GRIN2A: variants seen among roughly 807,000 people sequenced by gnomAD.
The protein encoded by GRIN2A is glutamate receptor ionotropic, NMDA 2A.
In GRIN2A, 22 loss-of-function variants were observed where a neutral mutation model predicts 113.4. The observed-to-expected ratio is 0.19, with a 90% CI of 0.14 to 0.28. The LOEUF (loss-of-function observed/expected upper bound fraction) is 0.28, where lower values mean the gene tolerates loss of function less well. Ranked by LOEUF, GRIN2A falls within the 10% of genes least tolerant of loss-of-function variation. The pLI is 1.00. For synonymous variants in GRIN2A, 827 were observed against 738.4 expected (o/e 1.12, Z -1.94); for missense variants, 1,502 against 1,887.0 (o/e 0.80, Z 3.78).
At chr16:10,165,513 T>TATATATATATGTATATATATATAC (rs1555489600) in intron 2 of GRIN2A, among the ~76,000 whole-genome samples, 1 of 79,268 alleles carries the variant, frequency 1.3e-5, no homozygotes, top group African/African-American at 4.3e-5. Context: ...TATATATACA[T>TATATATATATGTATATATATATAC]ATATATATAT....
At chr16:10,166,605 T>C (rs2049930054) in intron 2 of GRIN2A, among the ~76,000 whole-genome samples, 2 of 152,214 alleles carry the variant, frequency 1.3e-5, no homozygotes, top group Non-Finnish European at 2.9e-5. Flanking sequence ...CATACTGCAC[T>C]TGCATTATGA....
At chr16:10,110,095 C>T (rs1219640090) in intron 2 of GRIN2A, among the ~76,000 whole-genome samples, 5 of 149,308 alleles carry the variant, frequency 3.3e-5, no homozygotes, top group African/African-American at 1.2e-4. Context: ...TGTTCCCCTT[C>T]CTGTGTCCAT....
At chr16:10,062,789 T>C in intron 2 of GRIN2A, among the ~76,000 whole-genome samples, 1 of 151,514 alleles carries the variant, frequency 6.6e-6, no homozygotes, top group Non-Finnish European at 1.5e-5. Context: ...TGCTTGAACC[T>C]GGGAGGCAGA....
chr16:10,121,035 C>T (rs561795032), intron 2 of GRIN2A, among the ~76,000 whole-genome samples: 1 of 152,256 alleles, frequency 6.6e-6, no homozygotes, highest in Non-Finnish European at 1.5e-5. Flanking sequence ...CTTTCAAACC[C>T]AGCCACAGAC....
intron 2 of GRIN2A, among the ~76,000 whole-genome samples, chr16:10,143,530 T>A (rs762479348): frequency 5.3e-5 from 8 of 152,224 alleles, no homozygotes; most frequent in Non-Finnish European, 1.0e-4. Context: ...TTAAGAGGAA[T>A]AATAAAATTG....
At chr16:10,078,019 C>G (rs2047909933) in intron 2 of GRIN2A, among the ~76,000 whole-genome samples, 1 of 152,160 alleles carries the variant, frequency 6.6e-6, no homozygotes, top group South Asian at 2.1e-4. Flanking sequence ...TCCTCATCTG[C>G]AAAATGCGGT....
At chr16:9,808,678 G>C (rs993063126) in intron 10 of GRIN2A, among the ~76,000 whole-genome samples, 7 of 152,050 alleles carry the variant, frequency 4.6e-5, no homozygotes, top group African/African-American at 1.7e-4. Context: ...ATTAAAGTAG[G>C]CGTTTCTTAC....
At chr16:10,050,599 A>G (rs1350767085) in intron 2 of GRIN2A, among the ~76,000 whole-genome samples, 1 of 151,944 alleles carries the variant, frequency 6.6e-6, no homozygotes, top group Non-Finnish European at 1.5e-5. Context: ...CAGGAAAACA[A>G]GTTCAGGGCT....
chr16:9,849,112 G>A (rs1417616119), intron 5 of GRIN2A, among the ~76,000 whole-genome samples: 1 of 92,672 alleles, frequency 1.1e-5, no homozygotes, highest in Non-Finnish European at 2.1e-5. Flanking sequence ...AAAATATACT[G>A]TTTTATATAT....
chr16:10,119,951 T>C (rs772404871), intron 2 of GRIN2A, among the ~76,000 whole-genome samples: 93 of 152,226 alleles, frequency 6.1e-4, no homozygotes, highest in Non-Finnish European at 9.3e-4. Flanking sequence ...CCATGCTGTA[T>C]ATGTACCAGA....
At chr16:9,810,696 G>A (rs894319216) in intron 10 of GRIN2A, among the ~76,000 whole-genome samples, 1 of 152,146 alleles carries the variant, frequency 6.6e-6, no homozygotes, top group Admixed American at 6.6e-5. Context: ...AGGGAGCAAG[G>A]CCCTGCTAAC....
At chr16:10,138,326 A>G (rs966006892) in intron 2 of GRIN2A, among the ~76,000 whole-genome samples, 2 of 152,174 alleles carry the variant, frequency 1.3e-5, no homozygotes, top group Non-Finnish European at 2.9e-5. Flanking sequence ...TGGGTAATTT[A>G]TAAGGAACAG....
At chr16:9,867,715 CT>C (rs1421805942) in intron 4 of GRIN2A, among the ~76,000 whole-genome samples, 3 of 152,232 alleles carry the variant, frequency 2.0e-5, no homozygotes, top group Non-Finnish European at 4.4e-5. Flanking sequence ...CATTACCCAA[CT>C]GTTTCCCACC....
chr16:9,999,844 A>T (rs909009871), intron 2 of GRIN2A, among the ~76,000 whole-genome samples: 2 of 152,184 alleles, frequency 1.3e-5, no homozygotes, highest in African/African-American at 4.8e-5. Flanking sequence ...AAATTCCACA[A>T]GCACAACGAC....
chr16:10,021,327 G>T (rs2046717002), intron 2 of GRIN2A, among the ~76,000 whole-genome samples: 1 of 152,172 alleles, frequency 6.6e-6, no homozygotes, highest in African/African-American at 2.4e-5. Flanking sequence ...CTCCTGGATG[G>T]CCCTGTGAGG....
intron 3 of GRIN2A, among the ~76,000 whole-genome samples, chr16:9,929,099 T>G (rs2044531644): frequency 6.6e-6 from 1 of 152,212 alleles, no homozygotes; most frequent in Admixed American, 6.5e-5. Context: ...GAGGATTATT[T>G]ACCAATTAAT....
chr16:9,834,328 T>C, intron 7 of GRIN2A, 98 bp from the exon 8 acceptor site: 6 of 1,103,664 alleles, frequency 5.4e-6, no homozygotes, highest in Non-Finnish European at 8.4e-6. Flanking sequence ...TCGCCAAAAA[T>C]ATTTTCTCTA....
At chr16:10,138,629 A>AT (rs2049253996) in intron 2 of GRIN2A, among the ~76,000 whole-genome samples, 1 of 152,172 alleles carries the variant, frequency 6.6e-6, no homozygotes, top group African/African-American at 2.4e-5. Flanking sequence ...GTGGGGACGC[A>AT]GAGCCAAACC....
At chr16:9,945,088 A>G (rs1260192882) in intron 2 of GRIN2A, among the ~76,000 whole-genome samples, 2 of 152,310 alleles carry the variant, frequency 1.3e-5, no homozygotes, top group Non-Finnish European at 2.9e-5. Context: ...TGGGAGGCCA[A>G]GGAAGAAGGA....
Sources: gnomAD v4.1 joint callset for allele counts (sites outside exome capture counted in the v4.1 genomes callset) on GRCh38, gnomAD v4.1.1 for gene constraint, MANE v1.5 for transcripts, NCBI Gene and HGNC (gene_info 2026-07-23, HGNC 2026-07-21) for gene names.